The following GALNT7 variants were observed in gnomAD, a reference collection of about 807,000 sequenced individuals.
GALNT7 encodes the protein polypeptide N-acetylgalactosaminyltransferase 7.
A neutral mutation model predicts 82.1 loss-of-function variants in GALNT7; 60 were observed. The ratio of observed to expected loss-of-function variants is 0.73; its 90% CI spans 0.59 to 0.91. The LOEUF (loss-of-function observed/expected upper bound fraction) is 0.91. GALNT7 is among the 40% of genes least tolerant of loss of function. GALNT7 has a pLI of 0.00. For missense variants in GALNT7, 660 were observed against 804.2 expected, an observed-to-expected ratio of 0.82 and a Z score of 2.17; for synonymous variants, 243 against 275.1, an observed-to-expected ratio of 0.88 and a Z score of 1.15.
At chr4:173,270,504 G>A (rs753897112) in intron 2 of GALNT7, among the ~76,000 whole-genome samples, 13 of 152,194 alleles carry the variant, frequency 8.5e-5, no homozygotes, top group Non-Finnish European at 2.9e-5. Context: ...TCGTATTCAA[G>A]ATCACCATAG....
chr4:173,307,029 G>T (rs1475494983), intron 8 of GALNT7, among the ~76,000 whole-genome samples: 1 of 152,236 alleles, frequency 6.6e-6, no homozygotes, highest in Non-Finnish European at 1.5e-5. Context: ...TATATTCCCT[G>T]TGCAGATCAG....
chr4:173,245,382 A>G (rs560277164), intron 1 of GALNT7, among the ~76,000 whole-genome samples: 65 of 152,320 alleles, frequency 4.3e-4, no homozygotes, highest in African/African-American at 1.6e-3. Flanking sequence ...ATTTGATTTC[A>G]TGTACTATCA....
Position 173,313,951 on chromosome 4 carries a change from T to TTA in GALNT7, c.1390-6_1390-5insAT. The TTA allele has an allele frequency of 7.6e-7, 1 of 1,307,758 alleles. No individual in the cohort carries two copies. The highest frequency in any genetic ancestry group is 1.1e-6 in the Non-Finnish European group (1 of 927,552). 81.0% of individuals were successfully genotyped at this position (1,307,758 alleles called of 1,614,324 possible). A position where few individuals can be genotyped will look rare whatever the true frequency, so the allele number is the denominator to read the frequency against. ...ACGATATATATATATATATTTTTTT[T>TTA]TTACAGAATTATGTTAGAGTTGTGG... On this transcript the variant is annotated splice_polypyrimidine_tract_variant and splice_region_variant and intron_variant, in intron 8 of 11. Coordinates refer to ENST00000265000, the MANE Select transcript of GALNT7 (RefSeq NM_017423.3).
At chr4:173,266,201 A>G (rs1465408160) in intron 2 of GALNT7, among the ~76,000 whole-genome samples, 1 of 152,234 alleles carries the variant, frequency 6.6e-6, no homozygotes, top group Non-Finnish European at 1.5e-5. Context: ...CGGACGTTGC[A>G]GTGAGCTGAG....
At chr4:173,235,598 C>T (rs1179260731) in intron 1 of GALNT7, among the ~76,000 whole-genome samples, 1 of 149,502 alleles carries the variant, frequency 6.7e-6, no homozygotes, top group East Asian at 2.0e-4. Flanking sequence ...CTCTGTTGTC[C>T]AGGCTGGAGT....
rs190188302 is a variant in GALNT7 at position 173,295,491 on chromosome 4, C to T, written c.850C>T (p.Arg284Ter). 2.0e-5 allele frequency: 32 copies of T among 1,613,188 alleles called. No homozygotes were observed. Among genetic ancestry groups the T allele is most frequent in the Non-Finnish European group, 2.4e-5 (28 of 1,179,282 alleles). ...NERREGLIQARSIGAQKAKLG... is the reference protein window; with the variant it reads ...NERREGLIQA ...AAGAAGGGAAGGTTTAATTCAAGCA[C>T]GAAGTATTGGTGCTCAGAAGGCTAA... The change falls in exon 4 of 12, where the codon CGA (arginine) becomes TGA (stop). Residue 284 changes from arginine to a stop codon, truncating the protein, a stop_gained. Transcript: ENST00000265000. LOFTEE classifies it high-confidence loss of function.
intron 2 of GALNT7, among the ~76,000 whole-genome samples, chr4:173,262,287 A>G (rs2126768353): frequency 6.6e-6 from 1 of 152,308 alleles, no homozygotes; most frequent in African/African-American, 2.4e-5. Context: ...CTGAAAGCAT[A>G]AAAAAGAACC....
At chr4:173,269,896 A>G (rs957227475) in intron 2 of GALNT7, among the ~76,000 whole-genome samples, 4 of 152,208 alleles carry the variant, frequency 2.6e-5, no homozygotes, top group Admixed American at 6.5e-5. Context: ...TTGAGGATCA[A>G]AAGTTGCAGT....
chr4:173,285,787 T>G (rs1579990464), intron 2 of GALNT7, among the ~76,000 whole-genome samples: 1 of 152,280 alleles, frequency 6.6e-6, no homozygotes, highest in Middle Eastern at 3.4e-3. Context: ...TTTTCAGGGC[T>G]TAATAAACAA....
intron 2 of GALNT7, among the ~76,000 whole-genome samples, chr4:173,256,674 A>C (rs944750539): frequency 6.6e-6 from 1 of 152,034 alleles, no homozygotes. Flanking sequence ...TACATATACG[A>C]GGCAGAAATG....
Position 173,227,812 on chromosome 4 carries a change from T to C in GALNT7, c.127-20168T>C, listed in dbSNP as rs187317954. On this transcript the variant is annotated intron_variant, in intron 1 of 11. Transcript: ENST00000265000. ...CTGCATTCTGTGTTTTTTGCACCTT[T>C]TAAAAAAAATCGCTTAAGCTAGGGT... Among the ~76,000 whole-genome samples, 577 of 152,286 alleles carry C rather than the reference T, an allele frequency of 3.8e-3. 3 individuals carry two copies. Among genetic ancestry groups the C allele is most frequent in the African/African-American group, 0.013 (554 of 41,562 alleles).
chr4:173,310,142 C>T (rs1308628080), intron 8 of GALNT7, among the ~76,000 whole-genome samples: 1 of 152,218 alleles, frequency 6.6e-6, no homozygotes, highest in South Asian at 2.1e-4. Flanking sequence ...TTCTCCAGCT[C>T]ATTTGTCTCC....
At chr4:173,212,803 C>T (rs1733324458) in intron 1 of GALNT7, among the ~76,000 whole-genome samples, 1 of 152,050 alleles carries the variant, frequency 6.6e-6, no homozygotes, top group Admixed American at 6.6e-5. Context: ...CTTCAGAGTT[C>T]CATGTGTGTT....
chr4:173,273,877 A>G (rs1022127308), intron 2 of GALNT7, among the ~76,000 whole-genome samples: 7 of 152,232 alleles, frequency 4.6e-5, no homozygotes, highest in Non-Finnish European at 1.0e-4. Context: ...TAACTAAGTC[A>G]AAAATGCAGA....
intron 9 of GALNT7, among the ~76,000 whole-genome samples, chr4:173,314,782 T>C (rs541301751): frequency 4.9e-4 from 74 of 152,354 alleles, no homozygotes; most frequent in African/African-American, 1.5e-3. Flanking sequence ...AAACTTGTCT[T>C]CAGACTCACT....
intron 1 of GALNT7, among the ~76,000 whole-genome samples, chr4:173,175,988 G>C (rs1213224887): frequency 6.6e-6 from 1 of 152,072 alleles, no homozygotes; most frequent in African/African-American, 2.4e-5. Flanking sequence ...CAGGATAATT[G>C]CTTGAAGCCA....
chr4:173,313,532 C>T (rs1351997439), intron 8 of GALNT7, among the ~76,000 whole-genome samples: 3 of 149,478 alleles, frequency 2.0e-5, no homozygotes, highest in Admixed American at 6.7e-5. Flanking sequence ...GATTGCACCA[C>T]TGCACCCTAG....
intron 2 of GALNT7, among the ~76,000 whole-genome samples, chr4:173,290,136 A>G (rs1004205266): frequency 2.0e-5 from 3 of 152,176 alleles, no homozygotes; most frequent in African/African-American, 7.2e-5. Flanking sequence ...TTTGTAGGGA[A>G]GATTTCTATG....
intron 2 of GALNT7, among the ~76,000 whole-genome samples, chr4:173,261,059 A>G (rs1352525884): frequency 1.3e-5 from 2 of 152,242 alleles, no homozygotes; most frequent in Non-Finnish European, 2.9e-5. Context: ...ATTGTCCTGC[A>G]TCTGTATAAT....
Sources: allele counts gnomAD v4.1 joint callset (sites outside exome capture counted in the v4.1 genomes callset), GRCh38; gene constraint gnomAD v4.1.1; transcripts MANE v1.5; gene names NCBI Gene and HGNC (gene_info 2026-07-23, HGNC 2026-07-21).